The following FRMD6 variants were observed in gnomAD, a reference collection of about 807,000 sequenced individuals.
FRMD6 encodes FERM domain-containing protein 6.
Under a neutral mutation model 73.2 loss-of-function variants are expected in FRMD6, and 37 were observed. That is an observed-to-expected ratio of 0.51 (90% confidence interval 0.39 to 0.66). The LOEUF is 0.66. Ranked by LOEUF, FRMD6 falls within the 30% of genes least tolerant of loss-of-function variation. FRMD6 has a pLI of 0.00. For synonymous variants in FRMD6, 273 were observed against 282.2 expected (o/e 0.97, Z 0.33); for missense variants, 714 against 780.5 (o/e 0.91, Z 1.02).
intron 2 of FRMD6, among the ~76,000 whole-genome samples, chr14:51,604,166 T>C (rs1040435612): frequency 1.3e-5 from 2 of 152,198 alleles, no homozygotes; most frequent in African/African-American, 4.8e-5. Flanking sequence ...GGGGGCAGAA[T>C]GTCTGCATGT....
At chr14:51,538,472 C>A (rs773442507) in intron 1 of FRMD6, among the ~76,000 whole-genome samples, 92 of 151,982 alleles carry the variant, frequency 6.1e-4, no homozygotes, top group Non-Finnish European at 1.1e-3. Context: ...AAATCATTGC[C>A]TAATCCAAGA....
upstream of FRMD6, among the ~76,000 whole-genome samples, chr14:51,486,950 GT>G (rs1041780605): frequency 3.2e-5 from 4 of 125,814 alleles, no homozygotes; most frequent in Non-Finnish European, 5.2e-5. Flanking sequence ...TTTTTTTTTT[GT>G]TTTTGAAGTA....
chr14:51,452,570 A>AAGAAC, the FRMD6 span, among the ~76,000 whole-genome samples: 1 of 152,246 alleles, frequency 6.6e-6, no homozygotes, highest in African/African-American at 2.4e-5. Flanking sequence ...TCTATAGCTC[A>AAGAAC]AGAACAGGAG....
chr14:51,506,294 C>T (rs144823004), intron 1 of FRMD6, among the ~76,000 whole-genome samples: 7 of 152,292 alleles, frequency 4.6e-5, no homozygotes, highest in East Asian at 1.9e-4. Flanking sequence ...TCCCTCTCAG[C>T]GCCCAGAACA....
rs145242700 is a variant in FRMD6 at position 51,655,209 on chromosome 14, G to A, written c.-147+3213G>A. On this transcript the variant is annotated intron_variant, in intron 1 of 13. Coordinates refer to ENST00000344768, the MANE Select transcript of FRMD6 (RefSeq NM_001267046.2). Reference sequence around the variant, plus strand: ...ACAAACACAGTTTATTAAAAAGTCAGTATGTTTTTAAACGTGTACTCCCAG... The same window carrying A: ...ACAAACACAGTTTATTAAAAAGTCAATATGTTTTTAAACGTGTACTCCCAG... Among the ~76,000 whole-genome samples, 531 of 152,280 alleles carry A rather than the reference G, an allele frequency of 3.5e-3. 1 individual carries two copies. The highest frequency in any genetic ancestry group is 5.8e-3 in the Non-Finnish European group (395 of 68,016).
chr14:51,478,820 C>T, the FRMD6 span, among the ~76,000 whole-genome samples: 1 of 152,134 alleles, frequency 6.6e-6, no homozygotes, highest in Non-Finnish European at 1.5e-5. Flanking sequence ...CTATCTTTAG[C>T]CTAAATCATA....
chr14:51,625,332 G>A (rs1250100560), intron 2 of FRMD6, among the ~76,000 whole-genome samples: 1 of 152,128 alleles, frequency 6.6e-6, no homozygotes, highest in Non-Finnish European at 1.5e-5. Context: ...TTCAGAAGAG[G>A]TCCGATAATT....
the FRMD6 span, among the ~76,000 whole-genome samples, chr14:51,461,265 GGTACTTGACCATTGAACTTGC>G: frequency 1.3e-5 from 2 of 152,174 alleles, no homozygotes; most frequent in Non-Finnish European, 2.9e-5. Context: ...ACTACAGCAA[GGTACTTGACCATTGAACTTGC>G]CTATGATCAG....
chr14:51,513,562 T>G (rs1884442248), intron 1 of FRMD6, among the ~76,000 whole-genome samples: 1 of 152,156 alleles, frequency 6.6e-6, no homozygotes, highest in Non-Finnish European at 1.5e-5. Flanking sequence ...AATGCTCTTA[T>G]GCTCCCAGAG....
chr14:51,725,998 C>A lies in FRMD6; in HGVS notation c.1584+128C>A, dbSNP rs1897934805. On this transcript the variant is annotated intron_variant, in intron 13 of 13. Transcript: ENST00000344768. The stretch of plus-strand genomic sequence containing the variant: ...GGAAATGATCCTTCCTAGATACGTA[C>A]ATTCTAGCTTTATTCTGAATTTATT... 4 of 585,646 alleles carry A rather than the reference C, an allele frequency of 6.8e-6. No individual in the cohort carries two copies. The South Asian group carries it at 8.5e-5, about 12-fold the overall frequency. 36.3% of individuals were successfully genotyped at this position (585,646 alleles called of 1,614,324 possible).
chr14:51,610,846 T>C (rs1477414772), intron 2 of FRMD6, among the ~76,000 whole-genome samples: 3 of 152,208 alleles, frequency 2.0e-5, no homozygotes, highest in Non-Finnish European at 4.4e-5. Context: ...TTTTCAGTGG[T>C]CAATTGATGG....
chr14:51,526,105 T>G (rs1371543553), intron 1 of FRMD6, among the ~76,000 whole-genome samples: 2 of 152,160 alleles, frequency 1.3e-5, no homozygotes, highest in East Asian at 1.9e-4. Flanking sequence ...TCTTAACAAG[T>G]CCTCGCCCAG....
At position 51,727,799 on chromosome 14, in the gene FRMD6, G is replaced by T. The variant is rs777164205; in HGVS notation, c.1639G>T (p.Asp547Tyr). 1 of 1,613,322 alleles carries T rather than the reference G, an allele frequency of 6.2e-7. No homozygotes were observed. The highest frequency in any genetic ancestry group is 1.1e-5 in the South Asian group (1 of 91,054). The change falls in exon 14 of 14, where the codon GAC becomes TAC. Residue 547 changes from aspartate (D) to tyrosine (Y), a missense_variant. Coordinates refer to ENST00000344768, the MANE Select transcript of FRMD6 (RefSeq NM_001267046.2). Reference sequence around the variant, plus strand: ...TGATCGACACAGCTTGAGCCTCGATGACATCAGACTTTACCAGAAAGACTT... The same window carrying T: ...TGATCGACACAGCTTGAGCCTCGATTACATCAGACTTTACCAGAAAGACTT... ...STDRHSLSLD[D>Y]IRLYQKDFLR...
At chr14:51,702,023 A>G (rs1266638814) in intron 4 of FRMD6, among the ~76,000 whole-genome samples, 1 of 152,002 alleles carries the variant, frequency 6.6e-6, no homozygotes, top group African/African-American at 2.4e-5. Context: ...ATTTGTATTT[A>G]AGAAGTCTTG....
At chr14:51,634,248 TAATTTAAGACCAGCAAG>T (rs1891457404) in intron 2 of FRMD6, among the ~76,000 whole-genome samples, 1 of 152,224 alleles carries the variant, frequency 6.6e-6, no homozygotes, top group Admixed American at 6.5e-5. Flanking sequence ...GATAGTAACC[TAATTTAAGACCAGCAAG>T]AATACATCAG....
At chr14:51,722,829 T>C (rs898589725) in intron 12 of FRMD6, among the ~76,000 whole-genome samples, 8 of 152,154 alleles carry the variant, frequency 5.3e-5, no homozygotes, top group African/African-American at 1.9e-4. Context: ...CTTCCAGCTT[T>C]GATTGAATGA....
At chr14:51,642,142 T>C (rs1194761025) in intron 2 of FRMD6, among the ~76,000 whole-genome samples, 1 of 152,208 alleles carries the variant, frequency 6.6e-6, no homozygotes, top group Non-Finnish European at 1.5e-5. Context: ...CAGTCATTAA[T>C]GGCAAAGGGT....
chr14:51,479,402 T>C, the FRMD6 span, among the ~76,000 whole-genome samples: 2 of 152,324 alleles, frequency 1.3e-5, no homozygotes, highest in Admixed American at 6.5e-5. Context: ...TAATCACTTA[T>C]ACTGCACCCA....
Position 51,616,708 on chromosome 14 carries a change from G to A in FRMD6, c.-147+46298G>A, listed in dbSNP as rs546785344. ...GCCATTTTTATGCATTCTAGGCTGA[G>A]CCTGGAAGAAAACAAGACAAGAAGC... On this transcript the variant is annotated intron_variant, in intron 2 of 14. Transcript: ENST00000356218. Among the ~76,000 whole-genome samples the A allele has an allele frequency of 7.2e-4, 110 of 152,250 alleles. 1 individual carries two copies. The highest frequency in any genetic ancestry group is 1.2e-3 in the Admixed American group (18 of 15,300).
Sources: allele counts gnomAD v4.1 joint callset (sites outside exome capture counted in the v4.1 genomes callset), GRCh38; gene constraint gnomAD v4.1.1; transcripts MANE v1.5; gene names NCBI Gene and HGNC (gene_info 2026-07-23, HGNC 2026-07-21).